The following TFDP1 variants were observed in gnomAD, a reference collection of about 807,000 sequenced individuals.
TFDP1 encodes the protein DRTF1-polypeptide 1.
TFDP1 carries 6 observed loss-of-function variants against 48.0 expected under a neutral mutation model. That is an observed-to-expected ratio of 0.13 (90% CI 0.07 to 0.25). The LOEUF (loss-of-function observed/expected upper bound fraction) is 0.25, where lower values mean the gene tolerates loss of function less well. Among genes scored for constraint, TFDP1 ranks in the 10% least tolerant of loss-of-function variants. The probability of loss-of-function intolerance (pLI) is 1.00; values close to 1 mark genes in which losing one functional copy is unlikely to be tolerated. For missense variants in TFDP1, 335 were observed against 543.0 expected (o/e 0.62, Z 3.81); for synonymous variants, 201 against 211.6 (o/e 0.95, Z 0.44).
chr13:113,637,609 T>G, intron 10 of TFDP1: 1 of 1,530,574 alleles, frequency 6.5e-7, no homozygotes, highest in Non-Finnish European at 8.7e-7. Context: ...AGGCTGTTCT[T>G]GCCTTTTTAG....
chr13:113,631,989 T>C (rs1044752789), intron 5 of TFDP1: 5 of 506,516 alleles, frequency 9.9e-6, no homozygotes, highest in Non-Finnish European at 1.7e-5. Flanking sequence ...GTGTAGTGGG[T>C]GCTCTCTGAA....
chr13:113,592,385 G>A (rs866333640), intron 2 of TFDP1, among the ~76,000 whole-genome samples: 1 of 152,222 alleles, frequency 6.6e-6, no homozygotes, highest in Non-Finnish European at 1.5e-5. Flanking sequence ...TTGAACTCCC[G>A]ACCTCAGGTG....
rs765310352 is a variant in TFDP1, at chr13:113,636,102, C to T, written c.813C>T (p.Val271=). The T allele has an allele frequency of 2.5e-6, 4 of 1,614,072 alleles. No homozygotes were observed. Among genetic ancestry groups the T allele is most frequent in the Non-Finnish European group, 3.4e-6 (4 of 1,180,036 alleles). Residue 271 remains valine (V), a synonymous_variant, in exon 9 of 12, where the codon GTC becomes GTT. Transcript: ENST00000375370. ...TCGTCAACACCAGCAAGAAGACGGT[C>T]ATCGACTGCAGCATCTCCAATGACA... ...FIIVNTSKKT[V]IDCSISNDKF...
intron 3 of TFDP1, among the ~76,000 whole-genome samples, chr13:113,612,369 CT>C (rs1299754572): frequency 2.6e-5 from 4 of 152,244 alleles, no homozygotes. Context: ...GGGACTGGCC[CT>C]GCTCTTCTGC....
chr13:113,633,818 C>T lies in TFDP1; in HGVS notation c.475-72C>T. ...GCGGGGTGCCCCTTTGAGCCAGTGCCCATGGTCTACAGTTTAAGGATCCAC... is the reference window on the plus strand; with the variant it reads ...GCGGGGTGCCCCTTTGAGCCAGTGCTCATGGTCTACAGTTTAAGGATCCAC... On this transcript the variant is annotated intron_variant, in intron 6 of 11. Transcript: ENST00000375370. The surrounding 1 kb of genome is among the most constrained non-coding windows in gnomAD (Gnocchi z 4.5). The T allele has an allele frequency of 6.5e-7, 1 of 1,536,384 alleles. No individual in the cohort carries two copies. Among genetic ancestry groups the T allele is most frequent in the East Asian group, 2.3e-5 (1 of 44,310 alleles).
chr13:113,638,884 C>T lies in TFDP1; in HGVS notation c.1085+988C>T, dbSNP rs554382954. On this transcript the variant is annotated intron_variant, in intron 11 of 11. Transcript: ENST00000375370. Reference sequence around the variant, plus strand: ...TTAATAAAATCTTTAATTAGAAATACAAGAACTCAGTAACCTATGGGTCCG... The same window carrying T: ...TTAATAAAATCTTTAATTAGAAATATAAGAACTCAGTAACCTATGGGTCCG... Among the ~76,000 whole-genome samples, 3 of 152,182 alleles carry T rather than the reference C, an allele frequency of 2.0e-5. No homozygotes were observed. The South Asian group carries it at 6.2e-4, about 32-fold the overall frequency.
intron 2 of TFDP1, among the ~76,000 whole-genome samples, chr13:113,609,816 C>T (rs9577593): frequency 0.012 from 1,896 of 152,288 alleles, 39 homozygotes; most frequent in East Asian, 0.088. Context: ...GCCCCACTGC[C>T]TGAGGTGCGT....
At chr13:113,601,331 T>C (rs1373316556) in intron 2 of TFDP1, among the ~76,000 whole-genome samples, 1 of 53,198 alleles carries the variant, frequency 1.9e-5, no homozygotes, top group African/African-American at 2.7e-4. Context: ...ACTTTCAAAT[T>C]AACTCACCCG....
chr13:113,587,507 CAG>C (rs1190180435), intron 2 of TFDP1, among the ~76,000 whole-genome samples: 3 of 119,612 alleles, frequency 2.5e-5, no homozygotes, highest in African/African-American at 9.9e-5. Flanking sequence ...TTTTTTGAGA[CAG>C]AGTCTCACTC....
intron 3 of TFDP1, among the ~76,000 whole-genome samples, chr13:113,614,975 G>T (rs887405751): frequency 2.0e-5 from 3 of 152,148 alleles, no homozygotes; most frequent in Admixed American, 2.0e-4. Context: ...CAAGTTCTCG[G>T]CTGGCCTTTG....
At chr13:113,602,730 G>GAT (rs1249272483) in intron 2 of TFDP1, among the ~76,000 whole-genome samples, 1 of 152,118 alleles carries the variant, frequency 6.6e-6, no homozygotes, top group African/African-American at 2.4e-5. Context: ...CATTTGCAGG[G>GAT]TCCCCCCTGA....
At chr13:113,617,451 CTCACCTGCAGAACCGT>C (rs1566659323) in intron 3 of TFDP1, among the ~76,000 whole-genome samples, 4 of 151,620 alleles carry the variant, frequency 2.6e-5, no homozygotes, top group East Asian at 1.9e-4. Context: ...TGCAGAGCCG[CTCACCTGCAGAACCGT>C]TCACCTGCAG....
chr13:113,605,041 C>T (rs1048357880), intron 2 of TFDP1, among the ~76,000 whole-genome samples: 1 of 152,020 alleles, frequency 6.6e-6, no homozygotes, highest in Admixed American at 6.5e-5. Flanking sequence ...CTCAGCAGGG[C>T]GTTGTGTTTG....
Position 113,607,619 on chromosome 13 carries a change from C to T in TFDP1, c.13-3377C>T, listed in dbSNP as rs552020684. Among the ~76,000 whole-genome samples the T allele has an allele frequency of 5.9e-5, 9 of 152,286 alleles. No individual in the cohort carries two copies. The highest frequency in any genetic ancestry group is 8.8e-5 in the Non-Finnish European group (6 of 68,024). On this transcript the variant is annotated intron_variant, in intron 2 of 11. Transcript: ENST00000375370. This position sits in a 1 kb window ranked among gnomAD's most constrained non-coding sequence, Gnocchi z 5.2. ...CTTTATGTCACAACATTGAGGCTGGCGGAGAAAGACCGGCCCCTTCACCCC... is the reference window on the plus strand; with the variant it reads ...CTTTATGTCACAACATTGAGGCTGGTGGAGAAAGACCGGCCCCTTCACCCC...
At chr13:113,593,830 G>C (rs1158944923) in intron 2 of TFDP1, among the ~76,000 whole-genome samples, 1 of 142,472 alleles carries the variant, frequency 7.0e-6, no homozygotes, top group African/African-American at 2.6e-5. Flanking sequence ...CGTGATGCGT[G>C]TGGGTCCTCA....
Position 113,591,009 on chromosome 13 carries a change from C to CAAAAA in TFDP1, c.12+5177_12+5181dup, listed in dbSNP as rs71101595. Among the ~76,000 whole-genome samples, 181 of 59,722 alleles carry CAAAAA rather than the reference C, an allele frequency of 3.0e-3. 4 individuals carry two copies. The highest frequency in any genetic ancestry group is 7.0e-3 in the South Asian group (9 of 1,282). The allele number at this position is 59,722 out of a possible 152,430, so 39.2% of individuals were successfully genotyped here. A position where few individuals can be genotyped will look rare whatever the true frequency, so the allele number is the denominator to read the frequency against. ...TGGGCGACAGAGCGAGACTCTGTCT[C>CAAAAA]AAAAAAAAAAAAAAAAAAAAAGAAA... On this transcript the variant is annotated intron_variant, in intron 2 of 11. Coordinates refer to ENST00000375370, the MANE Select transcript of TFDP1 (RefSeq NM_007111.5).
rs370954362 is a variant in TFDP1, at chr13:113,631,761, G to A, written c.308+17G>A. 13 of 1,613,238 alleles carry A rather than the reference G, an allele frequency of 8.1e-6. No homozygotes were observed. Among genetic ancestry groups the A allele is most frequent in the Non-Finnish European group, 1.0e-5 (12 of 1,179,614 alleles). On this transcript the variant is annotated intron_variant, in intron 5 of 11. Transcript: ENST00000375370. Reference sequence around the variant, plus strand: ...GTCTGCCGGGTGAGCACTTCCCTCTGGACCCTTAGAGTTGTAGGACTGCTT... The same window carrying A: ...GTCTGCCGGGTGAGCACTTCCCTCTAGACCCTTAGAGTTGTAGGACTGCTT...
Position 113,623,733 on chromosome 13 carries a change from G to A in TFDP1, c.186+447G>A, listed in dbSNP as rs942104326. ...CTGGCCGTGGCTGTGCGTTTGCCCC[G>A]GGGCAGTGACAGGGCAGATGCTGCT... On this transcript the variant is annotated intron_variant, in intron 4 of 11. Coordinates refer to ENST00000375370, the MANE Select transcript of TFDP1 (RefSeq NM_007111.5). The surrounding 1 kb of genome is among the most constrained non-coding windows in gnomAD (Gnocchi z 5.2). Among the ~76,000 whole-genome samples the A allele has an allele frequency of 2.6e-5, 4 of 152,176 alleles. No homozygotes were observed. The highest frequency in any genetic ancestry group is 1.9e-4 in the East Asian group (1 of 5,192).
At chr13:113,599,180 T>C (rs201603664) in intron 2 of TFDP1, among the ~76,000 whole-genome samples, 4 of 152,234 alleles carry the variant, frequency 2.6e-5, no homozygotes, top group Middle Eastern at 3.4e-3. Flanking sequence ...TTTTTTTTTT[T>C]CACATCAATA....
Sources: gnomAD v4.1 joint callset for allele counts (sites outside exome capture counted in the v4.1 genomes callset) on GRCh38, gnomAD v4.1.1 for gene constraint, Gnocchi (gnomAD v3.1) non-coding constraint, MANE v1.5 for transcripts, NCBI Gene and HGNC (gene_info 2026-07-23, HGNC 2026-07-21) for gene names.